The following SLC26A5 variants were observed in gnomAD, a reference collection of about 807,000 sequenced individuals.
SLC26A5 encodes the protein prestin.
SLC26A5 carries 51 observed loss-of-function variants against 81.0 expected under a neutral mutation model. The observed-to-expected ratio is 0.63, with a 90% CI of 0.50 to 0.80. The LOEUF (loss-of-function observed/expected upper bound fraction) is 0.80. SLC26A5 is among the 30% of genes least tolerant of loss of function. SLC26A5 has a pLI of 0.00. For missense variants in SLC26A5, 771 were observed against 905.8 expected (o/e 0.85, Z 1.91); for synonymous variants, 325 against 332.8 (o/e 0.98, Z 0.25).
At chr7:103,399,429 A>G (rs7808256) in intron 8 of SLC26A5, among the ~76,000 whole-genome samples, 3,571 of 152,272 alleles carry the variant, frequency 0.023, 129 homozygotes, top group African/African-American at 0.081. Flanking sequence ...GCCTGTTAAA[A>G]GGTTCTAATG....
At chr7:103,363,229 A>G (rs928825909) in intron 19 of SLC26A5, 1 of 783,992 alleles carries the variant, frequency 1.3e-6, no homozygotes. Flanking sequence ...TTCAATTTTT[A>G]TTAAAATTCT....
At chr7:103,378,607 C>A (rs764652029) in intron 16 of SLC26A5, 54 bp from the exon 17 acceptor site, 3 of 1,427,628 alleles carry the variant, frequency 2.1e-6, no homozygotes, top group Non-Finnish European at 3.0e-6. Context: ...AGGGACCCAC[C>A]CCAATGCCAC....
chr7:103,423,795 T>C (rs961748130), intron 2 of SLC26A5, among the ~76,000 whole-genome samples: 1 of 152,220 alleles, frequency 6.6e-6, no homozygotes, highest in African/African-American at 2.4e-5. Context: ...CTGTCTGTGG[T>C]ATTTTGTTAT....
chr7:103,436,865 C>G (rs753681810), intron 2 of SLC26A5, among the ~76,000 whole-genome samples: 1 of 152,156 alleles, frequency 6.6e-6, no homozygotes, highest in Admixed American at 6.6e-5. Context: ...GGGGAAAGCT[C>G]CATGATGCTG....
intron 19 of SLC26A5, among the ~76,000 whole-genome samples, chr7:103,353,105 A>G (rs1819817459): frequency 6.6e-6 from 1 of 152,194 alleles, no homozygotes; most frequent in Non-Finnish European, 1.5e-5. Context: ...TTAACTGTAA[A>G]TCACTTGAAA....
At chr7:103,418,720 A>C (rs1056251265) in intron 4 of SLC26A5, among the ~76,000 whole-genome samples, 18 of 152,142 alleles carry the variant, frequency 1.2e-4, no homozygotes, top group Non-Finnish European at 2.1e-4. Context: ...AACTGGCTAG[A>C]AGGGAATTGA....
chr7:103,389,915 C>T (rs1822511019), intron 12 of SLC26A5, among the ~76,000 whole-genome samples: 1 of 152,144 alleles, frequency 6.6e-6, no homozygotes, highest in African/African-American at 2.4e-5. Flanking sequence ...TGTGAGCCAC[C>T]ACACCCGGCT....
chr7:103,360,314 T>C (rs945391932), intron 19 of SLC26A5, among the ~76,000 whole-genome samples: 3 of 152,212 alleles, frequency 2.0e-5, no homozygotes, highest in African/African-American at 7.2e-5. Context: ...TTGGTATTAT[T>C]GCTGTTTGTT....
chr7:103,375,148 T>C (rs1821264648), intron 19 of SLC26A5, among the ~76,000 whole-genome samples: 1 of 148,622 alleles, frequency 6.7e-6, no homozygotes, highest in Non-Finnish European at 1.5e-5. Flanking sequence ...GTGGGAAATA[T>C]ATAGATTAAT....
intron 2 of SLC26A5, chr7:103,433,681 T>C (rs1473945727): frequency 6.7e-6 from 1 of 150,324 alleles, no homozygotes; most frequent in Non-Finnish European, 1.5e-5. Flanking sequence ...CTGCCCTAAT[T>C]TGTATTAATT....
At chr7:103,417,437 T>C (rs182320154) in intron 4 of SLC26A5, among the ~76,000 whole-genome samples, 13 of 151,834 alleles carry the variant, frequency 8.6e-5, no homozygotes, top group Admixed American at 7.2e-4. Flanking sequence ...ACACTCCTAG[T>C]TTTCCTTTCC....
chr7:103,433,173 T>C (rs1826202435), intron 2 of SLC26A5, among the ~76,000 whole-genome samples: 1 of 152,156 alleles, frequency 6.6e-6, no homozygotes, highest in Admixed American at 6.6e-5. Flanking sequence ...TGAAGCCAAA[T>C]TTTCTTTCCA....
At chr7:103,398,114 A>C in intron 8 of SLC26A5, 100 bp from the exon 9 acceptor site, 13 of 904,506 alleles carry the variant, frequency 1.4e-5, no homozygotes, top group Non-Finnish European at 2.0e-5. Context: ...ATCTATTCTC[A>C]CTTTTAACAT....
chr7:103,353,047 T>G, intron 19 of SLC26A5: 1 of 765,472 alleles, frequency 1.3e-6, no homozygotes, highest in Admixed American at 1.7e-5. Context: ...CAAATAAATT[T>G]GAGCAGCTAA....
intron 19 of SLC26A5, among the ~76,000 whole-genome samples, chr7:103,375,101 C>CATAT (rs566346407): frequency 1.4e-5 from 2 of 145,556 alleles, no homozygotes; most frequent in Non-Finnish European, 3.0e-5. Context: ...CATATATATA[C>CATAT]ATATATATAT....
chr7:103,402,108 T>C (rs936657527), intron 8 of SLC26A5, among the ~76,000 whole-genome samples: 22 of 152,214 alleles, frequency 1.4e-4, no homozygotes, highest in African/African-American at 5.3e-4. Flanking sequence ...TCTTTTTCTA[T>C]TGTTTGGAAT....
At chr7:103,414,394 C>A (rs546486034) in intron 4 of SLC26A5, among the ~76,000 whole-genome samples, 55 of 152,150 alleles carry the variant, frequency 3.6e-4, no homozygotes, top group Non-Finnish European at 6.9e-4. Flanking sequence ...CCAGGCTGGT[C>A]TTGAACTCCT....
chr7:103,436,692 C>G (rs899149016), intron 2 of SLC26A5, among the ~76,000 whole-genome samples: 9 of 152,142 alleles, frequency 5.9e-5, no homozygotes, highest in African/African-American at 2.2e-4. Flanking sequence ...TAAAACTTTT[C>G]TTTAGACAGT....
At position 103,406,818 on chromosome 7, in the gene SLC26A5, A is replaced by AT. The variant is rs756927326; in HGVS notation, c.888+1032dup. The stretch of plus-strand genomic sequence containing the variant: ...TTACAGGTGCATTTCACCACATCTA[A>AT]TTTTTTGTATTTTTAGTAGAGACGG... On this transcript the variant is annotated intron_variant, in intron 8 of 19. Transcript: ENST00000306312. Among the ~76,000 whole-genome samples the AT allele has an allele frequency of 1.4e-4, 22 of 151,884 alleles. No individual in the cohort carries two copies. The East Asian group carries it at 3.5e-3, about 24-fold the overall frequency.
Sources: gnomAD v4.1 joint callset for allele counts (sites outside exome capture counted in the v4.1 genomes callset) on GRCh38, gnomAD v4.1.1 for gene constraint, MANE v1.5 for transcripts, NCBI Gene and HGNC (gene_info 2026-07-23, HGNC 2026-07-21) for gene names.